The following ARHGAP21 variants were observed in gnomAD, a reference collection of about 807,000 sequenced individuals.
ARHGAP21 encodes rho GTPase-activating protein 21.
ARHGAP21 carries 38 observed loss-of-function variants against 164.6 expected under a neutral mutation model. The ratio of observed to expected loss-of-function variants is 0.23; its 90% confidence interval spans 0.18 to 0.30. ARHGAP21 has a LOEUF of 0.30. Among genes scored for constraint, ARHGAP21 ranks in the 10% least tolerant of loss-of-function variants. The pLI is 1.00. For missense variants in ARHGAP21, 1,822 were observed against 2,370.7 expected (o/e 0.77, Z 4.81); for synonymous variants, 766 against 857.9 (o/e 0.89, Z 1.87).
chr10:24,712,547 C>T (rs1010000538), intron 2 of ARHGAP21, among the ~76,000 whole-genome samples: 3 of 152,212 alleles, frequency 2.0e-5, no homozygotes, highest in East Asian at 1.9e-4. Flanking sequence ...ACCACATAAA[C>T]GGTTGTTATA....
intron 24 of ARHGAP21, chr10:24,590,260 C>T: frequency 6.7e-7 from 1 of 1,491,250 alleles, no homozygotes; most frequent in Non-Finnish European, 8.9e-7. Context: ...AGCAGAAAAA[C>T]TTTTAAGAAA....
At chr10:24,674,430 A>T (rs1317299548) in intron 2 of ARHGAP21, among the ~76,000 whole-genome samples, 1 of 152,160 alleles carries the variant, frequency 6.6e-6, no homozygotes, top group South Asian at 2.1e-4. Flanking sequence ...GCTACTCAGG[A>T]GAATCGCTTG....
chr10:24,643,048 T>C (rs1837235014), intron 4 of ARHGAP21, among the ~76,000 whole-genome samples: 1 of 152,212 alleles, frequency 6.6e-6, no homozygotes, highest in South Asian at 2.1e-4. Flanking sequence ...ATGCTGCCAC[T>C]CAACAGCAGT....
chr10:24,700,255 C>A (rs1843536703), intron 2 of ARHGAP21, among the ~76,000 whole-genome samples: 1 of 152,178 alleles, frequency 6.6e-6, no homozygotes, highest in Non-Finnish European at 1.5e-5. Context: ...GCACCCTGCC[C>A]ACCAGCAAGG....
chr10:24,661,192 G>A (rs1839660933), intron 4 of ARHGAP21, among the ~76,000 whole-genome samples: 1 of 149,880 alleles, frequency 6.7e-6, no homozygotes, highest in South Asian at 2.1e-4. Flanking sequence ...GAGATTTAAG[G>A]GAATACAGGA....
At chr10:24,663,099 C>T (rs111702766) in intron 4 of ARHGAP21, among the ~76,000 whole-genome samples, 3,307 of 152,014 alleles carry the variant, frequency 0.022, 39 homozygotes, top group Non-Finnish European at 0.033. Flanking sequence ...TGTGGGCGGT[C>T]CTGGAAGCAA....
At position 24,620,936 on chromosome 10, in the gene ARHGAP21, G is replaced by A. The variant is rs757982356; in HGVS notation, c.959C>T (p.Pro320Leu). 6 of 1,613,806 alleles carry A rather than the reference G, an allele frequency of 3.7e-6. No homozygotes were observed. In the South Asian group the frequency reaches 5.5e-5, roughly 15 times the overall value. The change falls in exon 9 of 26, where the codon CCA becomes CTA. Residue 320 changes from proline (P) to leucine (L), a missense_variant. Physicochemically the swap from Pro to Leu is moderately conservative, Grantham distance 98 (BLOSUM62 -3). Around this residue, in one of 5 missense-constraint regions of ARHGAP21, gnomAD observed 1,090 missense variants for 1,378.9 expected, o/e 0.79. Transcript: ENST00000396432. ...SLKTVSRTTS[P>L]PLSIPTTHLI... ...ATGAGTGGTGGGAATTGATAATGGT[G>A]GTGATGTGGTTCTTGACACTGTTTT...
At chr10:24,684,760 T>C (rs1842067618) in intron 2 of ARHGAP21, among the ~76,000 whole-genome samples, 1 of 152,218 alleles carries the variant, frequency 6.6e-6, no homozygotes, top group South Asian at 2.1e-4. Context: ...TGCCTCAGCC[T>C]CCTAAGTGGC....
At chr10:24,662,959 T>C (rs1326910639) in intron 4 of ARHGAP21, among the ~76,000 whole-genome samples, 4 of 101,428 alleles carry the variant, frequency 3.9e-5, no homozygotes, top group African/African-American at 1.1e-4. Context: ...TCTGCAGATA[T>C]GCGGATTTTT....
chr10:24,706,451 A>G (rs186624609), intron 2 of ARHGAP21: 1 of 152,780 alleles, frequency 6.5e-6, no homozygotes, highest in Non-Finnish European at 1.5e-5. Context: ...CTTTTGCTTT[A>G]TACATCATAG....
At chr10:24,624,797 T>C (rs1022263458) in intron 7 of ARHGAP21, among the ~76,000 whole-genome samples, 1 of 152,116 alleles carries the variant, frequency 6.6e-6, no homozygotes, top group Admixed American at 6.6e-5. Flanking sequence ...TGAAAGTGTT[T>C]TGATAGAATC....
At chr10:24,643,091 A>G (rs1593140344) in intron 4 of ARHGAP21, among the ~76,000 whole-genome samples, 1 of 152,198 alleles carries the variant, frequency 6.6e-6, no homozygotes, top group African/African-American at 2.4e-5. Flanking sequence ...TCGGACATGA[A>G]TCAAAATTTT....
In ARHGAP21 at chr10:24,652,526, A is replaced by G. The variant is rs2131562213; in HGVS notation, c.268+14459T>C. ...AAACTTCCCTTTATAGAAATTACTA[A>G]TACGAAACTGAAAGGCAAGTCACAG... On this transcript the variant is annotated intron_variant, in intron 4 of 25. Transcript: ENST00000396432. 2.0e-5 allele frequency among the ~76,000 whole-genome samples: 3 copies of G among 152,328 alleles called. No individual in the cohort carries two copies. The South Asian group carries it at 6.2e-4, about 32-fold the overall frequency.
chr10:24,585,904 C>T lies in ARHGAP21; in HGVS notation c.4385G>A (p.Ser1462Asn), dbSNP rs200304974. The stretch of plus-strand genomic sequence containing the variant: ...CTTCTGTTTTCTGCCCAGTGTCTCA[C>T]TTTCTTTTTTGGACTCCTCTTTAGT... Reference protein sequence around the residue: ...NDTKEESKKESETLGRKQKII... With the variant: ...NDTKEESKKENETLGRKQKII... The change falls in exon 26 of 26, where the codon AGT becomes AAT. Residue 1462 changes from serine to asparagine, a missense_variant. By Grantham distance (46) the Ser-to-Asn change is conservative. Coordinates refer to ENST00000396432, the MANE Select transcript of ARHGAP21 (RefSeq NM_020824.4). The T allele has an allele frequency of 1.7e-4, 267 of 1,613,948 alleles. No homozygotes were observed. Among genetic ancestry groups the T allele is most frequent in the Non-Finnish European group, 2.1e-4 (252 of 1,179,956 alleles).
rs2076022073 is a variant in ARHGAP21 at position 24,584,601 on chromosome 10, T to A, written c.5688A>T (p.Thr1896=). The A allele has an allele frequency of 2.5e-6, 4 of 1,613,934 alleles. No homozygotes were observed. In the East Asian group the frequency reaches 8.9e-5, roughly 36 times the overall value. The change falls in exon 26 of 26, where the codon ACA becomes ACT. Residue 1896 remains threonine (T), a synonymous_variant. Coordinates refer to ENST00000396432, the MANE Select transcript of ARHGAP21 (RefSeq NM_020824.4). ...AAGCCAAGGTGCTGGAAGAACTGCCTGTGTTGCAATGAAGAGACAAAGGTG... is the reference window on the plus strand; with the variant it reads ...AAGCCAAGGTGCTGGAAGAACTGCCAGTGTTGCAATGAAGAGACAAAGGTG... ...TDTPLSLHCN[T]GSSSSTLAST...
rs150817453 is a variant in ARHGAP21, at chr10:24,607,895, T to C, written c.2431A>G (p.Thr811Ala). 1.8e-5 allele frequency: 28 copies of C among 1,596,262 alleles called. 1 individual carries two copies. The African/African-American group carries it at 3.5e-4, about 20-fold the overall frequency. The part of the protein sequence containing the change: ...LASIPFIDEP[T>A]SPSIDHDIAH... The stretch of plus-strand genomic sequence containing the variant: ...ATATCATGATCAATGCTAGGGCTAG[T>C]TGGTTCATCTGTAAGAAAAAAGGAA... Residue 811 changes from threonine (T) to alanine (A), a missense_variant, in exon 10 of 26, where the codon ACT becomes GCT. By Grantham distance (58) the Thr-to-Ala change is moderately conservative. Transcript: ENST00000396432.
intron 4 of ARHGAP21, among the ~76,000 whole-genome samples, chr10:24,646,674 C>T (rs1565089778): frequency 6.6e-6 from 1 of 152,048 alleles, no homozygotes; most frequent in Non-Finnish European, 1.5e-5. Context: ...CTTTGGGAGG[C>T]CAAGGTGGGA....
intron 4 of ARHGAP21, among the ~76,000 whole-genome samples, chr10:24,645,094 G>T (rs1593146338): frequency 6.6e-6 from 1 of 152,056 alleles, no homozygotes; most frequent in Non-Finnish European, 1.5e-5. Flanking sequence ...GCTCCACAAG[G>T]CATCTTTAAC....
chr10:24,705,296 GCAGC>G (rs1844123397), intron 2 of ARHGAP21, among the ~76,000 whole-genome samples: 1 of 152,016 alleles, frequency 6.6e-6, no homozygotes, highest in African/African-American at 2.4e-5. Context: ...TATCCTCTTA[GCAGC>G]CATTCAAAAT....
Sources: allele counts gnomAD v4.1 joint callset (sites outside exome capture counted in the v4.1 genomes callset), GRCh38; gene constraint gnomAD v4.1.1; regional missense constraint gnomAD v4.1.1; transcripts MANE v1.5; gene names NCBI Gene and HGNC (gene_info 2026-07-23, HGNC 2026-07-21).